CHRDL1: variants seen among roughly 807,000 people sequenced by gnomAD.
CHRDL1 encodes chordin like 1.
A neutral mutation model predicts 40.9 loss-of-function variants in CHRDL1; 19 were observed. The observed-to-expected ratio is 0.46, with a 90% CI of 0.32 to 0.68. The LOEUF is 0.68. Ranked by LOEUF, CHRDL1 falls within the 30% of genes least tolerant of loss-of-function variation. The pLI is 0.03. For synonymous variants in CHRDL1, 136 were observed against 123.4 expected (o/e 1.10, Z -0.68); for missense variants, 329 against 352.1 (o/e 0.93, Z 0.53).
chrX:110,773,611 C>T (rs2089797105), intron 2 of CHRDL1, among the ~76,000 whole-genome samples: 1 of 106,988 alleles, frequency 9.3e-6, no homozygotes, highest in Admixed American at 1.0e-4. Flanking sequence ...GCCTGTAGTC[C>T]CAGCTACTAG....
intron 4 of CHRDL1, among the ~76,000 whole-genome samples, chrX:110,758,572 G>T (rs1039669785): frequency 4.5e-5 from 5 of 110,625 alleles, no homozygotes; most frequent in South Asian, 7.8e-4. Context: ...CAGTTGACTG[G>T]GTTTTCATTG....
chrX:110,755,068 T>C (rs2089430548), intron 4 of CHRDL1, among the ~76,000 whole-genome samples: 1 of 111,120 alleles, frequency 9.0e-6, no homozygotes, highest in Admixed American at 9.6e-5. Context: ...AAAGAGAAGA[T>C]AGGGAATTTA....
intron 4 of CHRDL1, among the ~76,000 whole-genome samples, chrX:110,735,789 T>G (rs1377870655): frequency 8.9e-6 from 1 of 112,142 alleles, no homozygotes; most frequent in Non-Finnish European, 1.9e-5. Context: ...GGAAGTTATT[T>G]AAGTAGTGAA....
At chrX:110,738,127 G>A (rs1252384341) in intron 4 of CHRDL1, among the ~76,000 whole-genome samples, 1 of 112,188 alleles carries the variant, frequency 8.9e-6, no homozygotes, top group Non-Finnish European at 1.9e-5. Context: ...AGGGAGAAAA[G>A]GAACATAAAA....
At position 110,674,457 on chromosome X, in the gene CHRDL1, C is replaced by CCACATATA. The variant is rs796243093; in HGVS notation, c.*1773_*1774insTATATGTG. On this transcript the variant is annotated 3_prime_UTR_variant, in exon 12 of 12. Coordinates refer to ENST00000372042, the MANE Select transcript of CHRDL1 (RefSeq NM_001143981.2). ...GCCGCATAACACCTTCCCCCCTTTA[C>CCACATATA]CACACACACACACACACACACACAC... 1.3e-5 allele frequency: 1 copy of CCACATATA among 78,937 alleles called. No individual in the cohort carries two copies. Among genetic ancestry groups the CCACATATA allele is most frequent in the African/African-American group, 5.2e-5 (1 of 19,210 alleles). 6.5% of individuals were successfully genotyped at this position (78,937 alleles called of 1,213,427 possible).
chrX:110,793,826 G>A (rs912950142), intron 1 of CHRDL1, among the ~76,000 whole-genome samples: 1 of 111,818 alleles, frequency 8.9e-6, no homozygotes, highest in Admixed American at 9.5e-5. Flanking sequence ...GCGATTCGGT[G>A]AACTGTAGCA....
chrX:110,774,634 T>G (rs2089818995), intron 2 of CHRDL1, among the ~76,000 whole-genome samples: 1 of 111,554 alleles, frequency 9.0e-6, no homozygotes, highest in South Asian at 3.8e-4. Context: ...GTAGTCAGAA[T>G]TTTTGCTAAA....
chrX:110,721,268 G>T, intron 5 of CHRDL1, 117 bp downstream of exon 5: 2 of 714,470 alleles, frequency 2.8e-6, no homozygotes, highest in Admixed American at 5.0e-5. Context: ...ATGATTTAAT[G>T]CAAGTCATGT....
At position 110,762,823 on chromosome X, in the gene CHRDL1, T is replaced by A; in HGVS notation, c.95-16A>T. On this transcript the variant is annotated splice_polypyrimidine_tract_variant and intron_variant, in intron 2 of 11. Coordinates refer to ENST00000372042, the MANE Select transcript of CHRDL1 (RefSeq NM_001143981.2). ...GTCTCTGAATCTGTGAAGAAGGAGA[T>A]GGAGAATATGCCTGTTAGGAAACAT... is the stretch of plus-strand genomic sequence containing the variant. 1 of 889,311 alleles carries A rather than the reference T, an allele frequency of 1.1e-6. No homozygotes were observed. The highest frequency in any genetic ancestry group is 2.0e-5 in the South Asian group (1 of 49,153). 73.3% of individuals were successfully genotyped at this position (889,311 alleles called of 1,213,427 possible).
Position 110,737,425 on chromosome X carries a change from C to A in CHRDL1, c.302-15895G>T, listed in dbSNP as rs1220666624. ...TTCTCCAGAGACCACCAACCCTCTA[C>A]TCAAAGTGTGGTATGGGAACCAGCA... On this transcript the variant is annotated intron_variant, in intron 4 of 11. Transcript: ENST00000372042. Among the ~76,000 whole-genome samples, 4 of 111,867 alleles carry A rather than the reference C, an allele frequency of 3.6e-5. No individual in the cohort carries two copies. In the East Asian group the frequency reaches 1.1e-3, roughly 32 times the overall value.
chrX:110,684,088 G>T (rs1438251926), intron 9 of CHRDL1, among the ~76,000 whole-genome samples: 1 of 111,502 alleles, frequency 9.0e-6, no homozygotes, highest in Non-Finnish European at 1.9e-5. Context: ...ACGACAGTGT[G>T]AGAAGTGAGT....
intron 4 of CHRDL1, among the ~76,000 whole-genome samples, chrX:110,738,353 C>T (rs1242679033): frequency 1.8e-5 from 2 of 111,748 alleles, no homozygotes; most frequent in East Asian, 5.6e-4. Flanking sequence ...GTCTTCAAAC[C>T]GAGCCTAAAT....
intron 3 of CHRDL1, among the ~76,000 whole-genome samples, chrX:110,760,248 T>C (rs1237192325): frequency 8.9e-6 from 1 of 112,177 alleles, no homozygotes. Context: ...TTCTTCTCAT[T>C]TCCTTTTTAG....
At position 110,703,813 on chromosome X, in the gene CHRDL1, G is replaced by A. The variant is rs772354242; in HGVS notation, c.542-3092C>T. On this transcript the variant is annotated intron_variant, in intron 6 of 11. Transcript: ENST00000372042. The stretch of plus-strand genomic sequence containing the variant: ...AAACCGACAGTGATAAGGGCAGAGA[G>A]TACCTCAACCAAAGGGAGTGACATT... Among the ~76,000 whole-genome samples, 11 of 112,067 alleles carry A rather than the reference G, an allele frequency of 9.8e-5. No homozygotes were observed. In the South Asian group the frequency reaches 2.2e-3, roughly 23 times the overall value.
At chrX:110,774,128 AT>A (rs1009980602) in intron 2 of CHRDL1, among the ~76,000 whole-genome samples, 2 of 110,939 alleles carry the variant, frequency 1.8e-5, no homozygotes, top group Non-Finnish European at 3.8e-5. Flanking sequence ...AATGCCCCCC[AT>A]TTTTCCCGGA....
At chrX:110,761,712 C>T (rs922802709) in intron 3 of CHRDL1, among the ~76,000 whole-genome samples, 1 of 112,247 alleles carries the variant, frequency 8.9e-6, no homozygotes, top group Non-Finnish European at 1.9e-5. Context: ...ATCTATAGTG[C>T]AAACAAGAAA....
chrX:110,751,318 C>T (rs1003935851), intron 4 of CHRDL1, among the ~76,000 whole-genome samples: 16 of 112,094 alleles, frequency 1.4e-4, no homozygotes, highest in Non-Finnish European at 2.6e-4. Flanking sequence ...ACATACATTG[C>T]TCCTAGAAAT....
At chrX:110,772,350 A>G (rs1333301368) in intron 2 of CHRDL1, among the ~76,000 whole-genome samples, 1 of 112,884 alleles carries the variant, frequency 8.9e-6, no homozygotes, top group Non-Finnish European at 1.9e-5. Flanking sequence ...ATAAAATTAC[A>G]CTTTTTGGCC....
intron 4 of CHRDL1, among the ~76,000 whole-genome samples, chrX:110,727,813 AC>A: frequency 8.9e-6 from 1 of 112,054 alleles, no homozygotes; most frequent in Non-Finnish European, 1.9e-5. Context: ...TATATATTTG[AC>A]CCAACAATCC....
Sources: gnomAD v4.1 joint callset for allele counts (sites outside exome capture counted in the v4.1 genomes callset) on GRCh38, gnomAD v4.1.1 for gene constraint, MANE v1.5 for transcripts, NCBI Gene and HGNC (gene_info 2026-07-23, HGNC 2026-07-21) for gene names.